EPB41L3: variants seen among roughly 807,000 people sequenced by gnomAD.
EPB41L3 encodes erythrocyte membrane protein band 4.1 like 3.
Under a neutral mutation model 127.1 loss-of-function variants are expected in EPB41L3, and 57 were observed. That is an observed-to-expected ratio of 0.45 (90% CI 0.36 to 0.56). EPB41L3 has a LOEUF of 0.56. Among genes scored for constraint, EPB41L3 ranks in the 20% least tolerant of loss-of-function variants. EPB41L3 has a pLI of 0.00. For missense variants in EPB41L3, 1,273 were observed against 1,372.2 expected, an observed-to-expected ratio of 0.93 and a Z score of 1.14; for synonymous variants, 572 against 549.5, an observed-to-expected ratio of 1.04 and a Z score of -0.57.
chr18:5,447,905 T>C (rs1290418904), intron 3 of EPB41L3, among the ~76,000 whole-genome samples: 2 of 152,182 alleles, frequency 1.3e-5, no homozygotes, highest in Non-Finnish European at 1.5e-5. Context: ...TTAAAGACAA[T>C]AACATACTAG....
chr18:5,573,534 A>G lies in EPB41L3; in HGVS notation c.-306+38806T>C, dbSNP rs57295409. ...GTAGGGATATCCCTAGGTAGCTAAC[A>G]TTTACTCATATATGTAGATCATCAG... On this transcript the variant is annotated intron_variant, in intron 3 of 21. Transcript: ENST00000545076. Among the ~76,000 whole-genome samples, 275 of 152,280 alleles carry G rather than the reference A, an allele frequency of 1.8e-3. 1 individual carries two copies. The highest frequency in any genetic ancestry group is 6.3e-3 in the African/African-American group (261 of 41,564).
At chr18:5,599,119 G>C (rs1383482820) in intron 3 of EPB41L3, among the ~76,000 whole-genome samples, 2 of 152,168 alleles carry the variant, frequency 1.3e-5, no homozygotes, top group Non-Finnish European at 2.9e-5. Flanking sequence ...ACACAACCTA[G>C]ATAAATCATT....
intron 1 of EPB41L3, among the ~76,000 whole-genome samples, chr18:5,528,102 C>G (rs1619802): frequency 0.21 from 31,475 of 152,086 alleles, 3,462 homozygotes; most frequent in African/African-American, 0.27. Flanking sequence ...CCAGAAGAGT[C>G]GCCTCTTCTA....
intron 1 of EPB41L3, among the ~76,000 whole-genome samples, chr18:5,517,106 A>T (rs1181869925): frequency 6.6e-6 from 1 of 152,148 alleles, no homozygotes; most frequent in East Asian, 1.9e-4. Context: ...GGTTCTGTTC[A>T]TGCGTCTATC....
At position 5,407,744 on chromosome 18, in the gene EPB41L3, C is replaced by T. The variant is rs2075648247; in HGVS notation, c.2122-8G>A. The T allele has an allele frequency of 6.2e-7, 1 of 1,613,858 alleles. No individual in the cohort carries two copies. Reference sequence around the variant, plus strand: ...ATCTTCCTCCTGGTCCGACTGCCAGCATCAAGAAAGAGTGGGAAATAAAGT... The same window carrying T: ...ATCTTCCTCCTGGTCCGACTGCCAGTATCAAGAAAGAGTGGGAAATAAAGT... On this transcript the variant is annotated splice_polypyrimidine_tract_variant and splice_region_variant and intron_variant, in intron 14 of 22. Coordinates refer to ENST00000341928, the MANE Select transcript of EPB41L3 (RefSeq NM_012307.5).
chr18:5,620,867 A>G (rs2094852845), intron 1 of EPB41L3, among the ~76,000 whole-genome samples: 1 of 152,096 alleles, frequency 6.6e-6, no homozygotes, highest in Non-Finnish European at 1.5e-5. Flanking sequence ...TTCCCCACCC[A>G]TAGTCAGAGT....
At chr18:5,600,564 A>G (rs1049079840) in intron 3 of EPB41L3, among the ~76,000 whole-genome samples, 29 of 152,140 alleles carry the variant, frequency 1.9e-4, no homozygotes, top group Non-Finnish European at 3.4e-4. Context: ...TTAACCTAAA[A>G]CTTACACTAG....
chr18:5,465,215 T>C (rs2084744637), intron 3 of EPB41L3, among the ~76,000 whole-genome samples: 1 of 152,244 alleles, frequency 6.6e-6, no homozygotes, highest in South Asian at 2.1e-4. Context: ...GGTGGGTTTT[T>C]AAAACAATCT....
intron 3 of EPB41L3, among the ~76,000 whole-genome samples, chr18:5,561,150 T>C (rs2094128477): frequency 6.6e-6 from 1 of 151,226 alleles, no homozygotes; most frequent in Non-Finnish European, 1.5e-5. Context: ...GCTAATGTCT[T>C]GTATTTTCAG....
intron 3 of EPB41L3, among the ~76,000 whole-genome samples, chr18:5,608,567 T>C (rs1205778158): frequency 2.6e-5 from 4 of 152,168 alleles, no homozygotes; most frequent in Non-Finnish European, 4.4e-5. Context: ...ACAAATAAAG[T>C]GTTATCTTCA....
chr18:5,621,419 AT>A (rs977810950), intron 1 of EPB41L3, among the ~76,000 whole-genome samples: 1 of 152,186 alleles, frequency 6.6e-6, no homozygotes, highest in African/African-American at 2.4e-5. Context: ...CATGGGTTAC[AT>A]TTGTATCCAC....
intron 19 of EPB41L3, 118 bp from the exon 20 acceptor site, chr18:5,395,825 G>C (rs2073338480): frequency 6.5e-6 from 5 of 770,684 alleles, no homozygotes; most frequent in Non-Finnish European, 1.1e-5. Flanking sequence ...CAATCATTAT[G>C]CTCTTCAGAG....
At chr18:5,573,157 C>T (rs2094301403) in intron 3 of EPB41L3, among the ~76,000 whole-genome samples, 1 of 152,134 alleles carries the variant, frequency 6.6e-6, no homozygotes, top group African/African-American at 2.4e-5. Context: ...CTGACACATC[C>T]AATTTGTGTA....
intron 7 of EPB41L3, 72 bp from the exon 8 acceptor site, chr18:5,433,628 T>C (rs1796030791): frequency 2.2e-6 from 3 of 1,338,576 alleles, no homozygotes; most frequent in Admixed American, 1.9e-5. Context: ...TCCCACTTAG[T>C]TCCATGCTAT....
intron 3 of EPB41L3, among the ~76,000 whole-genome samples, chr18:5,472,931 A>G (rs1303918234): frequency 6.6e-6 from 1 of 152,192 alleles, no homozygotes; most frequent in Non-Finnish European, 1.5e-5. Context: ...GTCCCTTACA[A>G]GCATCTCTGG....
At chr18:5,469,202 A>G (rs373571942) in intron 3 of EPB41L3, among the ~76,000 whole-genome samples, 8 of 152,246 alleles carry the variant, frequency 5.3e-5, no homozygotes, top group East Asian at 3.9e-4. Flanking sequence ...AGAAGGAGAG[A>G]AGGGCTGCAC....
chr18:5,617,284 T>C (rs2094806476), intron 1 of EPB41L3, among the ~76,000 whole-genome samples: 2 of 152,178 alleles, frequency 1.3e-5, no homozygotes, highest in African/African-American at 2.4e-5. Flanking sequence ...CAACAACCTG[T>C]ATTTGATTTG....
At chr18:5,518,003 G>A (rs993486228) in intron 1 of EPB41L3, among the ~76,000 whole-genome samples, 2 of 152,110 alleles carry the variant, frequency 1.3e-5, no homozygotes, top group Non-Finnish European at 1.5e-5. Flanking sequence ...ATTGTCACCA[G>A]CATCCCTTAG....
intron 3 of EPB41L3, among the ~76,000 whole-genome samples, chr18:5,477,373 G>C (rs76796022): frequency 2.8e-4 from 43 of 152,172 alleles, no homozygotes; most frequent in African/African-American, 9.9e-4. Flanking sequence ...TGGAATGAAG[G>C]GGGAGAGGGG....
Sources: gnomAD v4.1 joint callset for allele counts (sites outside exome capture counted in the v4.1 genomes callset) on GRCh38, gnomAD v4.1.1 for gene constraint, MANE v1.5 for transcripts, NCBI Gene and HGNC (gene_info 2026-07-23, HGNC 2026-07-21) for gene names.